Variants in FBXO28 observed in about 807,000 individuals in gnomAD.
FBXO28 encodes F-box protein 28, also known as F-box only protein 28.
In FBXO28, 8 loss-of-function variants were observed where a neutral mutation model predicts 38.1. The ratio of observed to expected loss-of-function variants is 0.21; its 90% CI spans 0.12 to 0.38. The LOEUF (loss-of-function observed/expected upper bound fraction) is 0.38. Ranked by LOEUF, FBXO28 falls within the 10% of genes least tolerant of loss-of-function variation. The pLI is 1.00. For missense variants in FBXO28, 345 were observed against 460.6 expected, an observed-to-expected ratio of 0.75 and a Z score of 2.30; for synonymous variants, 168 against 173.8, an observed-to-expected ratio of 0.97 and a Z score of 0.26.
At chr1:224,152,409 G>C (rs1392536360) in intron 3 of FBXO28, among the ~76,000 whole-genome samples, 1 of 152,048 alleles carries the variant, frequency 6.6e-6, no homozygotes, top group African/African-American at 2.4e-5. Flanking sequence ...AAATGGGTTT[G>C]GGCAATCTCC....
At chr1:224,151,175 C>T (rs1572025361) in intron 3 of FBXO28, among the ~76,000 whole-genome samples, 2 of 152,250 alleles carry the variant, frequency 1.3e-5, no homozygotes, top group East Asian at 3.9e-4. Flanking sequence ...GGCAATCAGC[C>T]ATCATCCAAA....
At position 224,160,590 on chromosome 1, in the gene FBXO28, G is replaced by T. The variant is rs1318436824; in HGVS notation, c.*2844G>T. On this transcript the variant is annotated 3_prime_UTR_variant, in exon 5 of 5. Transcript: ENST00000366862. ...CACAGATTCTGAGGTTATAGAACCT[G>T]TTGTTTTTCAAACTCCTGTACAGAG... The T allele has an allele frequency of 1.3e-5, 2 of 152,138 alleles. No homozygotes were observed. The highest frequency in any genetic ancestry group is 2.4e-5 in the African/African-American group (1 of 41,418). 9.4% of individuals were successfully genotyped at this position (152,138 alleles called of 1,614,324 possible).
At position 224,158,171 on chromosome 1, in the gene FBXO28, C is replaced by CTT. The variant is rs3835627; in HGVS notation, c.*434_*435dup. On this transcript the variant is annotated 3_prime_UTR_variant, in exon 5 of 5. Transcript: ENST00000366862. ...TTTTTAAATGGACACTATCTTGGTT[C>CTT]TTTTTTTTTTAAGTCATCTTTTTGT... is the stretch of plus-strand genomic sequence containing the variant. 168 of 921,078 alleles carry CTT rather than the reference C, an allele frequency of 1.8e-4. No homozygotes were observed. Among genetic ancestry groups the CTT allele is most frequent in the Middle Eastern group, 1.1e-3 (2 of 1,802 alleles). The allele number at this position is 921,078 out of a possible 1,614,324, so 57.1% of individuals were successfully genotyped here.
intron 3 of FBXO28, among the ~76,000 whole-genome samples, chr1:224,149,209 G>C (rs1657582244): frequency 6.6e-6 from 1 of 151,692 alleles, no homozygotes. Flanking sequence ...TCTCAATAGA[G>C]ATCTTGTTTA....
At chr1:224,155,828 T>TA (rs1221033099) in intron 4 of FBXO28, among the ~76,000 whole-genome samples, 2 of 152,208 alleles carry the variant, frequency 1.3e-5, no homozygotes, top group African/African-American at 2.4e-5. Flanking sequence ...AGAAGTGTAA[T>TA]ACGTGGTGTC....
At chr1:224,135,678 A>T (rs370317202) in intron 3 of FBXO28, among the ~76,000 whole-genome samples, 15 of 151,898 alleles carry the variant, frequency 9.9e-5, no homozygotes, top group East Asian at 1.9e-4. Context: ...TGTACAGAAG[A>T]AGTCACCAAT....
chr1:224,127,410 T>C (rs530734585), intron 1 of FBXO28, among the ~76,000 whole-genome samples: 2 of 152,276 alleles, frequency 1.3e-5, no homozygotes, highest in East Asian at 1.9e-4. Flanking sequence ...ACCTGTGTTC[T>C]GTTAAACCAC....
chr1:224,128,799 A>T (rs1032007816), intron 1 of FBXO28, among the ~76,000 whole-genome samples: 8 of 151,966 alleles, frequency 5.3e-5, no homozygotes, highest in African/African-American at 1.9e-4. Context: ...CAGCCTGGGC[A>T]ACATAGACCC....
chr1:224,129,586 T>C (rs1326686283), intron 1 of FBXO28, among the ~76,000 whole-genome samples: 1 of 152,226 alleles, frequency 6.6e-6, no homozygotes, highest in East Asian at 1.9e-4. Flanking sequence ...GACTATAGTC[T>C]GTGACCATAA....
At chr1:224,155,376 A>G (rs1384909813) in intron 4 of FBXO28, among the ~76,000 whole-genome samples, 1 of 152,068 alleles carries the variant, frequency 6.6e-6, no homozygotes, top group Non-Finnish European at 1.5e-5. Flanking sequence ...CATGTTGTTC[A>G]GGCTGGTCTT....
chr1:224,150,360 A>G (rs116179672), intron 3 of FBXO28, among the ~76,000 whole-genome samples: 2,303 of 152,238 alleles, frequency 0.015, 79 homozygotes, highest in African/African-American at 0.052. Context: ...CCTATATATA[A>G]CCCATATGTA....
At position 224,157,968 on chromosome 1, in the gene FBXO28, C is replaced by T; in HGVS notation, c.*222C>T. The T allele has an allele frequency of 7.5e-7, 1 of 1,335,250 alleles. No individual in the cohort carries two copies. The highest frequency in any genetic ancestry group is 9.5e-7 in the Non-Finnish European group (1 of 1,047,826). The allele number at this position is 1,335,250 out of a possible 1,614,324, so 82.7% of individuals were successfully genotyped here. A position where few individuals can be genotyped will look rare whatever the true frequency, so the allele number is the denominator to read the frequency against. On this transcript the variant is annotated 3_prime_UTR_variant, in exon 5 of 5. Coordinates refer to ENST00000366862, the MANE Select transcript of FBXO28 (RefSeq NM_015176.4). ...TTGCAATAGATTTGTACTAACCAGA[C>T]CTGTTCTATCATGTTTTGAGGAGTT...
intron 3 of FBXO28, among the ~76,000 whole-genome samples, chr1:224,144,048 G>C (rs962801296): frequency 6.6e-6 from 1 of 151,740 alleles, no homozygotes; most frequent in Non-Finnish European, 1.5e-5. Flanking sequence ...CTACTCGGGA[G>C]GTTGAAGCAC....
At chr1:224,145,209 G>A (rs958121807) in intron 3 of FBXO28, among the ~76,000 whole-genome samples, 4 of 136,530 alleles carry the variant, frequency 2.9e-5, no homozygotes, top group Non-Finnish European at 4.6e-5. Flanking sequence ...CAGGAGAATC[G>A]CTTGAACCAG....
rs1303279050 is a variant in FBXO28, at chr1:224,161,347, A to G, written c.*3601A>G. ...TACACTTACCAAACTCTCTAAAAAC[A>G]TATACTGTGAGTAAGATTTGAAGCC... On this transcript the variant is annotated 3_prime_UTR_variant, in exon 5 of 5. Coordinates refer to ENST00000366862, the MANE Select transcript of FBXO28 (RefSeq NM_015176.4). 1.3e-5 allele frequency: 2 copies of G among 152,216 alleles called. No homozygotes were observed. Among genetic ancestry groups the G allele is most frequent in the Non-Finnish European group, 2.9e-5 (2 of 68,050 alleles). The allele number at this position is 152,216 out of a possible 1,614,324, so 9.4% of individuals were successfully genotyped here. A position where few individuals can be genotyped will look rare whatever the true frequency, so the allele number is the denominator to read the frequency against.
intron 3 of FBXO28, among the ~76,000 whole-genome samples, chr1:224,136,597 G>C (rs544606492): frequency 6.7e-6 from 1 of 148,626 alleles, no homozygotes; most frequent in African/African-American, 2.6e-5. Flanking sequence ...GCATGGTGGC[G>C]GGCGCCTATA....
intron 3 of FBXO28, among the ~76,000 whole-genome samples, chr1:224,146,134 T>A (rs1657498266): frequency 6.6e-6 from 1 of 151,014 alleles, no homozygotes; most frequent in South Asian, 2.1e-4. Flanking sequence ...CTCAGGAGGC[T>A]GAGGTAGGAG....
At chr1:224,156,421 T>A (rs1385393809) in intron 4 of FBXO28, among the ~76,000 whole-genome samples, 1 of 152,218 alleles carries the variant, frequency 6.6e-6, no homozygotes, top group Non-Finnish European at 1.5e-5. Flanking sequence ...AAGAACACGA[T>A]ACAGGCTGAG....
chr1:224,139,082 C>T (rs912567708), intron 3 of FBXO28, among the ~76,000 whole-genome samples: 2 of 151,718 alleles, frequency 1.3e-5, no homozygotes, highest in African/African-American at 4.9e-5. Flanking sequence ...TGCGCCCAGC[C>T]CAGTCTCTGC....
Sources: allele counts gnomAD v4.1 joint callset (sites outside exome capture counted in the v4.1 genomes callset), GRCh38; gene constraint gnomAD v4.1.1; transcripts MANE v1.5; gene names NCBI Gene and HGNC (gene_info 2026-07-23, HGNC 2026-07-21).